CUBN: variants seen among roughly 807,000 people sequenced by gnomAD.
CUBN encodes the protein 460 kDa receptor.
A neutral mutation model predicts 405.3 loss-of-function variants in CUBN; 282 were observed. The observed-to-expected ratio is 0.70, with a 90% CI of 0.63 to 0.77. The LOEUF is 0.77. Ranked by LOEUF, CUBN falls within the 30% of genes least tolerant of loss-of-function variation. CUBN has a pLI of 0.00. For synonymous variants in CUBN, 1,684 were observed against 1,617.0 expected, an observed-to-expected ratio of 1.04 and a Z score of -0.99; for missense variants, 4,514 against 4,475.2, an observed-to-expected ratio of 1.01 and a Z score of -0.25.
intron 56 of CUBN, among the ~76,000 whole-genome samples, chr10:16,881,802 T>A (rs1000047222): frequency 6.6e-6 from 1 of 152,074 alleles, no homozygotes; most frequent in Non-Finnish European, 1.5e-5. Flanking sequence ...AAAATTAACA[T>A]CAACAAAGTA....
chr10:16,851,343 A>G lies in CUBN; in HGVS notation c.9555T>C (p.Cys3185=), dbSNP rs746114034. Residue 3185 remains cysteine, a synonymous_variant, in exon 60 of 67, where the codon TGT becomes TGC. Transcript: ENST00000377833. ...SNGMYDKNLN[C]VWIIIAPVNK... ...TTACAGGTGCAATTATGATCCATACACAGTTTAAATTCTTGTCATACATTC... is the reference window on the plus strand; with the variant it reads ...TTACAGGTGCAATTATGATCCATACGCAGTTTAAATTCTTGTCATACATTC... The G allele has an allele frequency of 1.9e-6, 3 of 1,613,982 alleles. No individual in the cohort carries two copies. Among genetic ancestry groups the G allele is most frequent in the East Asian group, 2.2e-5 (1 of 44,886 alleles).
intron 28 of CUBN, among the ~76,000 whole-genome samples, chr10:16,994,419 C>T (rs2131725213): frequency 6.6e-6 from 1 of 152,312 alleles, no homozygotes; most frequent in South Asian, 2.1e-4. Context: ...AACCTGAATA[C>T]TATTCTATCC....
intron 43 of CUBN, among the ~76,000 whole-genome samples, chr10:16,923,096 T>G (rs992426775): frequency 4.6e-5 from 7 of 152,022 alleles, no homozygotes; most frequent in African/African-American, 1.7e-4. Flanking sequence ...CCTTGGCTTC[T>G]CAAAGTGCTG....
rs529300026 is a variant in CUBN, at chr10:17,029,170, G to A, written c.4018-9187C>T. The stretch of plus-strand genomic sequence containing the variant: ...CTTCATGTTTGAAGAGAGGAAACAC[G>A]CAGAGTTTCTTTTGAATCTGAGAGC... On this transcript the variant is annotated intron_variant, in intron 27 of 66. Coordinates refer to ENST00000377833, the MANE Select transcript of CUBN (RefSeq NM_001081.4). Among the ~76,000 whole-genome samples, 26 of 152,304 alleles carry A rather than the reference G, an allele frequency of 1.7e-4. No homozygotes were observed. The South Asian group carries it at 3.9e-3, about 23-fold the overall frequency.
rs146703141 is a variant in CUBN, at chr10:16,920,129, C to A, written c.6655G>T (p.Gly2219Cys). ...TCAGCATCATGGATGTAGACGTTGC[C>A]CCCACAGGCTGTGAGCAAACACACT... ...KYEAKSLACG[G>C]NVYIHDADSA... The change falls in exon 44 of 67, where the codon GGC becomes TGC. Residue 2219 changes from glycine (G) to cysteine (C), a missense_variant. Around this residue, in one of 5 missense-constraint regions of CUBN, gnomAD observed 1,613 missense variants for 1,542.8 expected, o/e 1.05. Transcript: ENST00000377833. 6.2e-7 allele frequency: 1 copy of A among 1,613,820 alleles called. No individual in the cohort carries two copies. The highest frequency in any genetic ancestry group is 8.5e-7 in the Non-Finnish European group (1 of 1,179,900).
At chr10:16,901,242 A>G (rs1841354701) in intron 52 of CUBN, 96 bp downstream of exon 52, 3 of 1,535,644 alleles carry the variant, frequency 2.0e-6, no homozygotes, top group Non-Finnish European at 1.8e-6. Flanking sequence ...AGCCTTCTCT[A>G]ATCACTTGCT....
chr10:16,825,036 A>T lies in CUBN; in HGVS notation c.10811T>A (p.Ile3604Lys). ...CCGTGCATAATCAGCATGAAATTTT[A>T]TGAAGACCTGATTTGAGGAAGCCAC... is the stretch of plus-strand genomic sequence containing the variant. ...PFVASSNQVF[I>K]KFHADYARRP... Residue 3604 changes from isoleucine to lysine, a missense_variant, in exon 67 of 67, where the codon ATA becomes AAA. Ile to Lys is a moderately radical substitution (Grantham distance 102). Coordinates refer to ENST00000377833, the MANE Select transcript of CUBN (RefSeq NM_001081.4). 6.2e-7 allele frequency: 1 copy of T among 1,613,994 alleles called. No homozygotes were observed. Among genetic ancestry groups the T allele is most frequent in the Admixed American group, 1.7e-5 (1 of 60,002 alleles).
intron 5 of CUBN, 35 bp from the exon 6 acceptor site, chr10:17,122,933 A>C (rs1837079782): frequency 2.1e-6 from 3 of 1,395,904 alleles, no homozygotes; most frequent in African/African-American, 1.4e-5. Context: ...CAGGTGCCAA[A>C]GGTCACAGAG....
chr10:16,844,524 G>T (rs550653042), intron 60 of CUBN, among the ~76,000 whole-genome samples: 3 of 152,292 alleles, frequency 2.0e-5, no homozygotes, highest in African/African-American at 7.2e-5. Flanking sequence ...TCAGATTTGG[G>T]TTTTAAATGG....
At chr10:16,919,234 A>G (rs528607854) in intron 44 of CUBN, among the ~76,000 whole-genome samples, 4 of 152,228 alleles carry the variant, frequency 2.6e-5, no homozygotes, top group Admixed American at 6.5e-5. Flanking sequence ...TTCTGTGTCC[A>G]TAAAAGTAGA....
Position 16,889,935 on chromosome 10 carries a change from C to CAAAAAAAAAAAAAAAAAAAAAA in CUBN, c.8755+435_8755+436insTTTTTTTTTTTTTTTTTTTTTT, listed in dbSNP as rs1554788544. On this transcript the variant is annotated intron_variant, in intron 55 of 66. Coordinates refer to ENST00000377833, the MANE Select transcript of CUBN (RefSeq NM_001081.4). ...CTGGCGACAGAGTGAGACGCCGTGT[C>CAAAAAAAAAAAAAAAAAAAAAA]AAAAAAAAAAAAAAAAAACAGGAAA... Among the ~76,000 whole-genome samples, 34 of 19,908 alleles carry CAAAAAAAAAAAAAAAAAAAAAA rather than the reference C, an allele frequency of 1.7e-3. 9 individuals are homozygous for CAAAAAAAAAAAAAAAAAAAAAA. Among genetic ancestry groups the CAAAAAAAAAAAAAAAAAAAAAA allele is most frequent in the African/African-American group, 6.6e-3 (32 of 4,830 alleles). The allele number at this position is 19,908 out of a possible 152,430, so 13.1% of individuals were successfully genotyped here.
intron 54 of CUBN, among the ~76,000 whole-genome samples, chr10:16,891,890 C>T (rs2669151): frequency 1.6e-4 from 24 of 151,200 alleles, no homozygotes; most frequent in African/African-American, 3.9e-4. Context: ...GCTACACAAT[C>T]TGCAATACCC....
At chr10:17,076,080 TAGA>T (rs1314581282) in intron 17 of CUBN, among the ~76,000 whole-genome samples, 4 of 152,098 alleles carry the variant, frequency 2.6e-5, no homozygotes, top group Non-Finnish European at 2.9e-5. Context: ...TTTCGCCCAT[TAGA>T]AGATGACAAG....
intron 56 of CUBN, among the ~76,000 whole-genome samples, chr10:16,878,764 G>A (rs954444932): frequency 2.0e-5 from 3 of 152,016 alleles, no homozygotes; most frequent in Non-Finnish European, 4.4e-5. Flanking sequence ...ACTACTTTCC[G>A]CCTCTATGGA....
intron 28 of CUBN, among the ~76,000 whole-genome samples, chr10:17,018,212 A>C (rs185100332): frequency 6.6e-6 from 1 of 152,220 alleles, no homozygotes; most frequent in East Asian, 1.9e-4. Flanking sequence ...ATAGCCCCCA[A>C]ATTCTAAGGA....
At chr10:16,834,141 T>A (rs1161254132) in intron 64 of CUBN, among the ~76,000 whole-genome samples, 1 of 151,478 alleles carries the variant, frequency 6.6e-6, no homozygotes, top group African/African-American at 2.4e-5. Flanking sequence ...AGCTCTGGGG[T>A]TTTTCTGGCA....
At chr10:16,902,759 A>C (rs977555024) in intron 51 of CUBN, among the ~76,000 whole-genome samples, 13 of 152,216 alleles carry the variant, frequency 8.5e-5, no homozygotes, top group Non-Finnish European at 1.9e-4. Context: ...TCAAAGTGAG[A>C]GGAGTGAAAG....
chr10:17,018,988 C>G (rs1407979486), intron 28 of CUBN, among the ~76,000 whole-genome samples: 1 of 152,210 alleles, frequency 6.6e-6, no homozygotes, highest in Non-Finnish European at 1.5e-5. Context: ...AGTTTCCAAA[C>G]TTTAATCACC....
At chr10:17,007,415 G>A (rs932478697) in intron 28 of CUBN, among the ~76,000 whole-genome samples, 3 of 152,198 alleles carry the variant, frequency 2.0e-5, no homozygotes, top group African/African-American at 4.8e-5. Flanking sequence ...CCTCGTTGTA[G>A]ATCCGTTTTC....
Sources: gnomAD v4.1 joint callset for allele counts (sites outside exome capture counted in the v4.1 genomes callset) on GRCh38, gnomAD v4.1.1 for gene constraint, gnomAD v4.1.1 regional missense constraint, MANE v1.5 for transcripts, NCBI Gene and HGNC (gene_info 2026-07-23, HGNC 2026-07-21) for gene names.